IREB2: variants seen among roughly 807,000 people sequenced by gnomAD.
The protein encoded by IREB2 is iron responsive element binding protein 2.
A neutral mutation model predicts 118.8 loss-of-function variants in IREB2; 39 were observed. The ratio of observed to expected loss-of-function variants is 0.33; its 90% CI spans 0.25 to 0.43. IREB2 has a LOEUF of 0.43. IREB2 is among the 20% of genes least tolerant of loss of function. The pLI, the probability that IREB2 is intolerant of heterozygous loss-of-function variation, is 1.00. For synonymous variants in IREB2, 372 were observed against 392.2 expected, an observed-to-expected ratio of 0.95 and a Z score of 0.61; for missense variants, 900 against 1,147.3, an observed-to-expected ratio of 0.78 and a Z score of 3.11.
chr15:78,472,558 G>C (rs138449019), intron 7 of IREB2, among the ~76,000 whole-genome samples: 7 of 152,176 alleles, frequency 4.6e-5, no homozygotes, highest in African/African-American at 1.7e-4. Flanking sequence ...GTAGAGATAC[G>C]GTTTTGCTAT....
At chr15:78,484,726 A>T (rs367736660) in intron 11 of IREB2, 35 bp from the exon 12 acceptor site, 37 of 1,523,858 alleles carry the variant, frequency 2.4e-5, no homozygotes, top group Admixed American at 3.4e-5. Flanking sequence ...CATACCCAGA[A>T]TATTTAGTTT....
In IREB2 at chr15:78,499,714, ATATT is replaced by A. The variant is rs1418825972; in HGVS notation, c.*1577_*1580del. The A allele has an allele frequency of 6.6e-6, 1 of 152,192 alleles. No homozygotes were observed. The highest frequency in any genetic ancestry group is 1.5e-5 in the Non-Finnish European group (1 of 68,038). The allele number at this position is 152,192 out of a possible 1,614,324, so 9.4% of individuals were successfully genotyped here. On this transcript the variant is annotated 3_prime_UTR_variant, in exon 22 of 22. Coordinates refer to ENST00000258886, the MANE Select transcript of IREB2 (RefSeq NM_004136.4). ...ATATTGTGTTCTTGATATATGCTGT[ATATT>A]TATTTGTTAGTGCATGTGTTTTTAA...
At chr15:78,470,450 C>A in intron 5 of IREB2, 82 bp from the exon 6 acceptor site, 1 of 750,342 alleles carries the variant, frequency 1.3e-6, no homozygotes, top group Non-Finnish European at 2.2e-6. Flanking sequence ...TATATATATG[C>A]CTAAGAACGA....
At chr15:78,437,961 G>A (rs572012121), upstream of IREB2, among the ~76,000 whole-genome samples, 3 of 152,326 alleles carry the variant, frequency 2.0e-5, no homozygotes, top group African/African-American at 4.8e-5. Context: ...GACCCCAATA[G>A]AAAACTTAAG....
chr15:78,466,615 T>G (rs900730920), intron 5 of IREB2, 126 bp downstream of exon 5: 59 of 641,574 alleles, frequency 9.2e-5, no homozygotes, highest in Non-Finnish European at 1.5e-4. Context: ...GAATTGAATT[T>G]TTATATGTAT....
chr15:78,483,502 GT>G, intron 11 of IREB2, 68 bp downstream of exon 11: 1 of 839,904 alleles, frequency 1.2e-6, no homozygotes, highest in South Asian at 1.4e-5. Flanking sequence ...AACCAACAAG[GT>G]GACCCATAAA....
At chr15:78,456,029 A>T (rs1298981474) in intron 2 of IREB2, among the ~76,000 whole-genome samples, 2 of 152,070 alleles carry the variant, frequency 1.3e-5, no homozygotes, top group South Asian at 4.1e-4. Flanking sequence ...TTCACCGAGT[A>T]ATCTAAGAGA....
intron 7 of IREB2, among the ~76,000 whole-genome samples, chr15:78,472,853 C>A (rs2051402974): frequency 6.6e-6 from 1 of 152,150 alleles, no homozygotes; most frequent in African/African-American, 2.4e-5. Flanking sequence ...CTTACTCTTT[C>A]ACAGGGTGTT....
intron 20 of IREB2, among the ~76,000 whole-genome samples, chr15:78,494,783 G>C (rs950301992): frequency 1.3e-5 from 2 of 152,118 alleles, no homozygotes; most frequent in South Asian, 4.1e-4. Flanking sequence ...ATTTTGCTCA[G>C]GCTGATCTTG....
chr15:78,498,015 G>A lies in IREB2; in HGVS notation c.2782-18G>A. The A allele has an allele frequency of 1.4e-6, 2 of 1,480,286 alleles. No individual in the cohort carries two copies. Among genetic ancestry groups the A allele is most frequent in the Admixed American group, 1.7e-5 (1 of 59,534 alleles). The allele number at this position is 1,480,286 out of a possible 1,614,324, so 91.7% of individuals were successfully genotyped here. A position where few individuals can be genotyped will look rare whatever the true frequency, so the allele number is the denominator to read the frequency against. ...GAAGATTTACTTGCTCACATGAGAT[G>A]TTTTTGCTCCTTTCAAGACAAGCAC... On this transcript the variant is annotated intron_variant, in intron 21 of 21. Coordinates refer to ENST00000258886, the MANE Select transcript of IREB2 (RefSeq NM_004136.4).
At chr15:78,457,480 T>C (rs902759988) in intron 2 of IREB2, among the ~76,000 whole-genome samples, 1 of 152,242 alleles carries the variant, frequency 6.6e-6, no homozygotes, top group African/African-American at 2.4e-5. Flanking sequence ...GATTAATTGA[T>C]AGTTTTCCTG....
At chr15:78,449,577 A>G (rs2141455117) in intron 2 of IREB2, among the ~76,000 whole-genome samples, 1 of 152,354 alleles carries the variant, frequency 6.6e-6, no homozygotes, top group Middle Eastern at 3.4e-3. Context: ...AGTTTTTTAA[A>G]TGTTGGCAGT....
Position 78,484,790 on chromosome 15 carries a change from T to A in IREB2, c.1443T>A (p.Ala481=). 1 of 1,613,344 alleles carries A rather than the reference T, an allele frequency of 6.2e-7. No individual in the cohort carries two copies. The highest frequency in any genetic ancestry group is 8.5e-7 in the Non-Finnish European group (1 of 1,179,736). The change falls in exon 12 of 22, where the codon GCT becomes GCA. Residue 481 remains alanine, a synonymous_variant. Transcript: ENST00000258886. ...KVGFKGFQIA[A]EKQKDIVSIH... is the part of the protein sequence containing the mutation. Reference sequence around the variant, plus strand: ...GATTTAAAGGCTTCCAAATTGCAGCTGAAAAACAAAAGGATATTGTCTCCA... The same window carrying A: ...GATTTAAAGGCTTCCAAATTGCAGCAGAAAAACAAAAGGATATTGTCTCCA...
At chr15:78,472,139 G>A (rs1399263089) in intron 7 of IREB2, among the ~76,000 whole-genome samples, 1 of 152,230 alleles carries the variant, frequency 6.6e-6, no homozygotes, top group Non-Finnish European at 1.5e-5. Flanking sequence ...GTCTAGCACA[G>A]CACTACTATT....
intron 13 of IREB2, among the ~76,000 whole-genome samples, chr15:78,487,156 A>T (rs2051674461): frequency 6.7e-6 from 1 of 148,682 alleles, no homozygotes; most frequent in Admixed American, 6.9e-5. Context: ...TAACTGGTTG[A>T]TAATTGAGAG....
chr15:78,480,355 G>A (rs2051545287), intron 10 of IREB2: 1 of 152,098 alleles, frequency 6.6e-6, no homozygotes, highest in African/African-American at 2.4e-5. Flanking sequence ...GAAAACTTTG[G>A]TGGTAGAATA....
chr15:78,483,290 C>G (rs375111158), intron 10 of IREB2, 28 bp from the exon 11 acceptor site: 172 of 1,053,284 alleles, frequency 1.6e-4, no homozygotes, highest in Non-Finnish European at 2.4e-4. Context: ...ATTCTAATTC[C>G]TTGTTCTTTC....
upstream of IREB2, chr15:78,438,177 G>T (rs2050781539): frequency 1.6e-6 from 1 of 608,332 alleles, no homozygotes; most frequent in African/African-American, 1.9e-5. Flanking sequence ...CGCGAGCGCA[G>T]ACCCGGGGCT....
chr15:78,469,273 C>T (rs966639592), intron 5 of IREB2, among the ~76,000 whole-genome samples: 5 of 152,120 alleles, frequency 3.3e-5, no homozygotes, highest in African/African-American at 1.2e-4. Context: ...GTTTGTATGG[C>T]ACTTTGTAGC....
Sources: allele counts gnomAD v4.1 joint callset (sites outside exome capture counted in the v4.1 genomes callset), GRCh38; gene constraint gnomAD v4.1.1; transcripts MANE v1.5; gene names NCBI Gene and HGNC (gene_info 2026-07-23, HGNC 2026-07-21).